ADAP1: variants seen among roughly 807,000 people sequenced by gnomAD.
ADAP1 encodes arf-GAP with dual PH domain-containing protein 1.
Under a neutral mutation model 54.9 loss-of-function variants are expected in ADAP1, and 31 were observed. That is an observed-to-expected ratio of 0.56 (90% CI 0.42 to 0.76). ADAP1 has a LOEUF of 0.76. Among genes scored for constraint, ADAP1 ranks in the 30% least tolerant of loss-of-function variants. The pLI, the probability that ADAP1 is intolerant of heterozygous loss-of-function variation, is 0.00. For synonymous variants in ADAP1, 313 were observed against 202.6 expected, an observed-to-expected ratio of 1.55 and a Z score of -4.63; for missense variants, 535 against 512.4, an observed-to-expected ratio of 1.04 and a Z score of -0.42.
At chr7:940,374 A>G (rs960491719) in intron 1 of ADAP1, among the ~76,000 whole-genome samples, 34 of 144,346 alleles carry the variant, frequency 2.4e-4, no homozygotes, top group Admixed American at 2.2e-3. Context: ...ACACACACAC[A>G]ATATGGAGAC....
intron 2 of ADAP1, among the ~76,000 whole-genome samples, chr7:930,815 TAA>T (rs55747872): frequency 6.9e-6 from 1 of 144,122 alleles, no homozygotes. Context: ...AGACTGTCTC[TAA>T]AAAAAAAAAA....
Position 935,355 on chromosome 7 carries a change from C to T in ADAP1, c.213+20G>A. 1 of 1,550,508 alleles carries T rather than the reference C, an allele frequency of 6.4e-7. No homozygotes were observed. Among genetic ancestry groups the T allele is most frequent in the Non-Finnish European group, 8.7e-7 (1 of 1,147,428 alleles). ...CCACCCGGGGACTGCGCGGGTCCCCCCGCCCCTCCCCCTCCGTACCTCCAC... is the reference window on the plus strand; with the variant it reads ...CCACCCGGGGACTGCGCGGGTCCCCTCGCCCCTCCCCCTCCGTACCTCCAC... On this transcript the variant is annotated intron_variant, in intron 2 of 10. Transcript: ENST00000265846.
intron 1 of ADAP1, among the ~76,000 whole-genome samples, chr7:944,765 T>C (rs1262828324): frequency 6.6e-6 from 1 of 152,122 alleles, no homozygotes; most frequent in Non-Finnish European, 1.5e-5. Flanking sequence ...TACAATAAAT[T>C]ATTGTTGACA....
At chr7:952,552 C>A (rs1227568097) in intron 1 of ADAP1, among the ~76,000 whole-genome samples, 1 of 152,170 alleles carries the variant, frequency 6.6e-6, no homozygotes, top group Non-Finnish European at 1.5e-5. Flanking sequence ...TCATGGGGGG[C>A]TAGGCAGCCC....
intron 1 of ADAP1, among the ~76,000 whole-genome samples, chr7:947,333 A>G (rs2128112229): frequency 6.6e-6 from 1 of 150,818 alleles, no homozygotes; most frequent in East Asian, 2.0e-4. Context: ...CTGGGATCAC[A>G]GGTGTGAGCC....
chr7:900,864 AGAAGGGCCGAAGGGCC>A (rs71020534), intron 6 of ADAP1: 96 of 602,604 alleles, frequency 1.6e-4, no homozygotes, highest in Admixed American at 4.2e-4. Context: ...CGAAGTCCTG[AGAAGGGCCGAAGGGCC>A]GAAGGGCCGG....
intron 7 of ADAP1, 49 bp downstream of exon 7, chr7:900,483 AC>A: frequency 1.6e-6 from 1 of 614,494 alleles, no homozygotes; most frequent in Non-Finnish European, 2.6e-6. Context: ...TCCACCCCCC[AC>A]CCCACCACCC....
At chr7:935,254 C>T in intron 2 of ADAP1, 121 bp downstream of exon 2, 1 of 1,393,374 alleles carries the variant, frequency 7.2e-7, no homozygotes, top group Non-Finnish European at 9.8e-7. Flanking sequence ...CCAGCCAGGC[C>T]CCCAGAGTAG....
chr7:904,758 C>A (rs547445004), intron 5 of ADAP1, among the ~76,000 whole-genome samples: 1 of 152,376 alleles, frequency 6.6e-6, no homozygotes, highest in South Asian at 2.1e-4. Context: ...TTCTGGGGTC[C>A]TGGCTGGCTC....
At chr7:900,777 C>A in intron 6 of ADAP1, 161 bp from the exon 7 acceptor site, 1 of 682,066 alleles carries the variant, frequency 1.5e-6, no homozygotes. Context: ...CAGGCCTGGC[C>A]CCTGTGCCCA....
intron 8 of ADAP1, among the ~76,000 whole-genome samples, chr7:899,759 C>T (rs1844693345): frequency 1.3e-5 from 2 of 152,254 alleles, no homozygotes; most frequent in Admixed American, 6.5e-5. Context: ...AGCCCTCACA[C>T]CTGCACTTCT....
rs370452785 is a variant in ADAP1 at position 946,270 on chromosome 7, C to T, written c.82+8126G>A. The stretch of plus-strand genomic sequence containing the variant: ...AGGCTCCCGCCGGCCGGTGGATCCC[C>T]GCCAGCGAGGCAGTGACCTCTGGAG... On this transcript the variant is annotated intron_variant, in intron 1 of 10. Transcript: ENST00000265846. This position sits in a 1 kb window ranked among gnomAD's most constrained non-coding sequence, Gnocchi z 4.3. Among the ~76,000 whole-genome samples the T allele has an allele frequency of 6.6e-6, 1 of 152,150 alleles. No homozygotes were observed. Among genetic ancestry groups the T allele is most frequent in the Non-Finnish European group, 1.5e-5 (1 of 68,012 alleles).
intron 1 of ADAP1, among the ~76,000 whole-genome samples, chr7:947,080 C>T (rs1429739789): frequency 1.3e-5 from 2 of 151,992 alleles, no homozygotes; most frequent in Non-Finnish European, 2.9e-5. Flanking sequence ...GTCTCTGTCA[C>T]TCAGGCTGGA....
intron 1 of ADAP1, among the ~76,000 whole-genome samples, chr7:939,233 T>C (rs1274748120): frequency 6.6e-6 from 1 of 152,144 alleles, no homozygotes; most frequent in African/African-American, 2.4e-5. Context: ...TTTTGTTGTT[T>C]TTTGAGACAG....
At chr7:906,231 AGG>A (rs373118452) in intron 4 of ADAP1, among the ~76,000 whole-genome samples, 1 of 782 alleles carries the variant, frequency 1.3e-3, no homozygotes, top group Admixed American at 0.013. Flanking sequence ...GAAAGGAGAA[AGG>A]GAGAAAGGAG....
chr7:899,530 G>C (rs1844677231), intron 8 of ADAP1, 40 bp from the exon 9 acceptor site: 3 of 1,597,418 alleles, frequency 1.9e-6, no homozygotes, highest in Non-Finnish European at 2.6e-6. Flanking sequence ...AGGTCGCCGA[G>C]GCAGGCCCTA....
intron 2 of ADAP1, among the ~76,000 whole-genome samples, chr7:933,309 T>C (rs1846640925): frequency 6.7e-6 from 1 of 150,120 alleles, no homozygotes; most frequent in Non-Finnish European, 1.5e-5. Context: ...ACAATCCTCC[T>C]GCCTCAGCCT....
At position 920,763 on chromosome 7, in the gene ADAP1, T is replaced by G. The variant is rs1170463751; in HGVS notation, c.306-713A>C. On this transcript the variant is annotated intron_variant, in intron 3 of 10. Coordinates refer to ENST00000265846, the MANE Select transcript of ADAP1 (RefSeq NM_006869.4). The surrounding 1 kb of genome is among the most constrained non-coding windows in gnomAD (Gnocchi z 4.5). Reference sequence around the variant, plus strand: ...CTGCCCAGAGCCACCCACCACGGCCTCCCCATCCACCGTGACTCACTCGAG... The same window carrying G: ...CTGCCCAGAGCCACCCACCACGGCCGCCCCATCCACCGTGACTCACTCGAG... 1 of 1,541,360 alleles carries G rather than the reference T, an allele frequency of 6.5e-7. No individual in the cohort carries two copies. The highest frequency in any genetic ancestry group is 2.5e-5 in the East Asian group (1 of 40,654).
chr7:921,788 A>G (rs943339327), intron 3 of ADAP1, among the ~76,000 whole-genome samples: 1 of 152,194 alleles, frequency 6.6e-6, no homozygotes, highest in Admixed American at 6.5e-5. Flanking sequence ...TCTCAGAGTC[A>G]CGGGAGGACC....
Sources: allele counts gnomAD v4.1 joint callset (sites outside exome capture counted in the v4.1 genomes callset), GRCh38; gene constraint gnomAD v4.1.1; non-coding constraint Gnocchi (gnomAD v3.1); transcripts MANE v1.5; gene names NCBI Gene and HGNC (gene_info 2026-07-23, HGNC 2026-07-21).